Variants in ROR2 observed in about 807,000 individuals in gnomAD.
The protein encoded by ROR2 is ROR family WNT receptor 2.
In ROR2, 33 loss-of-function variants were observed where a neutral mutation model predicts 74.9. The observed-to-expected ratio is 0.44, with a 90% CI of 0.33 to 0.59. The LOEUF (loss-of-function observed/expected upper bound fraction) is 0.59. ROR2 is among the 20% of genes least tolerant of loss of function. The probability of loss-of-function intolerance (pLI) is 0.02; values close to 1 mark genes in which losing one functional copy is unlikely to be tolerated. For synonymous variants in ROR2, 586 were observed against 558.7 expected (o/e 1.05, Z -0.69); for missense variants, 1,216 against 1,313.8 (o/e 0.93, Z 1.15).
chr9:91,892,794 G>A (rs1279191380), intron 1 of ROR2, among the ~76,000 whole-genome samples: 1 of 151,828 alleles, frequency 6.6e-6, no homozygotes, highest in East Asian at 1.9e-4. Flanking sequence ...GTTTCACCAT[G>A]TTGGCCAGGA....
In ROR2 at chr9:91,826,041, A is replaced by G. The variant is rs7867952; in HGVS notation, c.98-50223T>C. 3.0e-3 allele frequency among the ~76,000 whole-genome samples: 458 copies of G among 152,332 alleles called. 4 individuals carry two copies. Among genetic ancestry groups the G allele is most frequent in the African/African-American group, 9.8e-3 (408 of 41,590 alleles). Reference sequence around the variant, plus strand: ...CCCCTGCCTGCTGGCGATTTGGACAAGGAATGTCGATGTCTTATGTTGTAC... The same window carrying G: ...CCCCTGCCTGCTGGCGATTTGGACAGGGAATGTCGATGTCTTATGTTGTAC... On this transcript the variant is annotated intron_variant, in intron 1 of 8. Transcript: ENST00000375708.
At chr9:91,924,531 C>T (rs1831347929) in intron 1 of ROR2, among the ~76,000 whole-genome samples, 1 of 152,242 alleles carries the variant, frequency 6.6e-6, no homozygotes, top group Non-Finnish European at 1.5e-5. Flanking sequence ...CGATGGCTTA[C>T]GCCTGTAATC....
intron 2 of ROR2, among the ~76,000 whole-genome samples, chr9:91,766,181 G>A (rs922637365): frequency 1.3e-5 from 2 of 152,146 alleles, no homozygotes; most frequent in Admixed American, 6.5e-5. Flanking sequence ...ACGGCCATGT[G>A]GTGACACCAC....
chr9:91,786,158 CAAAAA>C lies in ROR2; in HGVS notation c.98-10345_98-10341del, dbSNP rs35972600. Among the ~76,000 whole-genome samples, 11 of 56,542 alleles carry C rather than the reference CAAAAA, an allele frequency of 1.9e-4. No individual in the cohort carries two copies. In the South Asian group the frequency reaches 6.7e-3, roughly 34 times the overall value. 37.1% of individuals were successfully genotyped at this position (56,542 alleles called of 152,430 possible). ...TAACATACGGAAACCCTGTTTCTAC[CAAAAA>C]AAAAAAAAAAAAAAAAAGCCAGGTA... is the stretch of plus-strand genomic sequence containing the variant. On this transcript the variant is annotated intron_variant, in intron 1 of 8. Coordinates refer to ENST00000375708, the MANE Select transcript of ROR2 (RefSeq NM_004560.4).
chr9:91,733,061 A>G lies in ROR2; in HGVS notation c.937+61T>C. 2.0e-6 allele frequency: 3 copies of G among 1,488,758 alleles called. No individual in the cohort carries two copies. The highest frequency in any genetic ancestry group is 2.7e-6 in the Non-Finnish European group (3 of 1,106,078). 92.2% of individuals were successfully genotyped at this position (1,488,758 alleles called of 1,614,324 possible). On this transcript the variant is annotated intron_variant, in intron 6 of 8. Coordinates refer to ENST00000375708, the MANE Select transcript of ROR2 (RefSeq NM_004560.4). This position sits in a 1 kb window ranked among gnomAD's most constrained non-coding sequence, Gnocchi z 5.7. ...GGGCTTCACCGACACCCCCATACACATTTCAAGGGCCCTACACTCCCTGCG... is the reference window on the plus strand; with the variant it reads ...GGGCTTCACCGACACCCCCATACACGTTTCAAGGGCCCTACACTCCCTGCG...
At chr9:91,921,688 A>C (rs1047567917) in intron 1 of ROR2, among the ~76,000 whole-genome samples, 5 of 152,264 alleles carry the variant, frequency 3.3e-5, no homozygotes, top group Middle Eastern at 3.4e-3. Context: ...ACATGGTGAA[A>C]GCCTGTCTCT....
intron 1 of ROR2, among the ~76,000 whole-genome samples, chr9:91,912,248 C>G (rs1831011731): frequency 6.6e-6 from 1 of 152,164 alleles, no homozygotes; most frequent in Non-Finnish European, 1.5e-5. Context: ...AAGAGATTAA[C>G]ATTAAGGGAA....
intron 7 of ROR2, among the ~76,000 whole-genome samples, chr9:91,729,254 A>G (rs955901189): frequency 1.2e-4 from 19 of 152,318 alleles, no homozygotes; most frequent in African/African-American, 4.6e-4. Context: ...ACAAAACAAT[A>G]AGCAAAAAAG....
At chr9:91,791,258 C>T (rs1441786369) in intron 1 of ROR2, among the ~76,000 whole-genome samples, 1 of 152,168 alleles carries the variant, frequency 6.6e-6, no homozygotes, top group African/African-American at 2.4e-5. Context: ...TACACGAATA[C>T]CACTGTGTTA....
At chr9:91,730,456 G>C (rs1837198673) in intron 7 of ROR2, among the ~76,000 whole-genome samples, 2 of 152,058 alleles carry the variant, frequency 1.3e-5, no homozygotes, top group Admixed American at 6.6e-5. Flanking sequence ...CCAATAACTT[G>C]CGTTATTTAT....
chr9:91,815,620 C>T (rs1384837041), intron 1 of ROR2, among the ~76,000 whole-genome samples: 1 of 152,232 alleles, frequency 6.6e-6, no homozygotes, highest in Non-Finnish European at 1.5e-5. Flanking sequence ...AAATTACCTG[C>T]TGGCTATCGA....
chr9:91,814,639 C>T (rs902139611), intron 1 of ROR2, among the ~76,000 whole-genome samples: 1 of 152,212 alleles, frequency 6.6e-6, no homozygotes, highest in African/African-American at 2.4e-5. Context: ...TGAGATCCCC[C>T]ACGTTTACAG....
chr9:91,894,879 T>C (rs1693156861), intron 1 of ROR2, among the ~76,000 whole-genome samples: 1 of 152,178 alleles, frequency 6.6e-6, no homozygotes, highest in African/African-American at 2.4e-5. Context: ...TGATGGTTTC[T>C]TACAAAGCTA....
chr9:91,909,834 TTAGG>T (rs1830908672), intron 1 of ROR2, among the ~76,000 whole-genome samples: 1 of 117,618 alleles, frequency 8.5e-6, no homozygotes, highest in African/African-American at 3.2e-5. Flanking sequence ...TTTTTTTTTT[TTAGG>T]TTTGTTTTGT....
chr9:91,768,935 C>T (rs1004054967), intron 2 of ROR2, among the ~76,000 whole-genome samples: 1 of 152,188 alleles, frequency 6.6e-6, no homozygotes, highest in Non-Finnish European at 1.5e-5. Flanking sequence ...AAAGGTGCCT[C>T]GAACATGGCC....
intron 1 of ROR2, among the ~76,000 whole-genome samples, chr9:91,826,921 G>A (rs543837793): frequency 2.0e-5 from 3 of 152,310 alleles, no homozygotes; most frequent in Admixed American, 2.0e-4. Context: ...TAAAATGCAA[G>A]TCAGCTTTTA....
chr9:91,859,292 C>T (rs1279317482), intron 1 of ROR2, among the ~76,000 whole-genome samples: 1 of 150,848 alleles, frequency 6.6e-6, no homozygotes, highest in Non-Finnish European at 1.5e-5. Context: ...ACCACAGCCT[C>T]CCGGGTTCAA....
At chr9:91,944,787 T>C (rs556580564) in intron 1 of ROR2, among the ~76,000 whole-genome samples, 49 of 149,304 alleles carry the variant, frequency 3.3e-4, no homozygotes, top group African/African-American at 1.2e-3. Context: ...GCCAGTGAGG[T>C]GGCTCATGCC....
chr9:91,829,225 T>C (rs1400175515), intron 1 of ROR2, among the ~76,000 whole-genome samples: 1 of 152,038 alleles, frequency 6.6e-6, no homozygotes, highest in African/African-American at 2.4e-5. Context: ...TTCTCAGAAG[T>C]GTATGGGCAC....
Sources: allele counts gnomAD v4.1 joint callset (sites outside exome capture counted in the v4.1 genomes callset), GRCh38; gene constraint gnomAD v4.1.1; non-coding constraint Gnocchi (gnomAD v3.1); transcripts MANE v1.5; gene names NCBI Gene and HGNC (gene_info 2026-07-23, HGNC 2026-07-21).